RGS7: variants seen among roughly 807,000 people sequenced by gnomAD.
The protein encoded by RGS7 is regulator of G-protein signaling 7.
In RGS7, 27 loss-of-function variants were observed where a neutral mutation model predicts 81.1. The observed-to-expected ratio is 0.33, with a 90% CI of 0.25 to 0.46. The LOEUF (loss-of-function observed/expected upper bound fraction) is 0.46. RGS7 is among the 20% of genes least tolerant of loss of function. The probability of loss-of-function intolerance (pLI) is 1.00; values close to 1 mark genes in which losing one functional copy is unlikely to be tolerated. For missense variants in RGS7, 396 were observed against 607.4 expected (o/e 0.65, Z 3.66); for synonymous variants, 208 against 207.7 (o/e 1.00, Z -0.01).
chr1:241,154,958 A>T (rs1463233609), intron 2 of RGS7, among the ~76,000 whole-genome samples: 7 of 152,354 alleles, frequency 4.6e-5, no homozygotes, highest in Admixed American at 1.3e-4. Context: ...ACGCAGACTG[A>T]AAAAGAAAAT....
chr1:241,087,058 T>C (rs1241717551), intron 3 of RGS7, among the ~76,000 whole-genome samples: 1 of 152,200 alleles, frequency 6.6e-6, no homozygotes, highest in Non-Finnish European at 1.5e-5. Context: ...TTCTCCTCCC[T>C]AGACTGTGAT....
chr1:240,945,821 A>G (rs1314780581), intron 4 of RGS7, among the ~76,000 whole-genome samples: 1 of 152,228 alleles, frequency 6.6e-6, no homozygotes, highest in Non-Finnish European at 1.5e-5. Context: ...AGTTTATAAA[A>G]GCACATGTAT....
At chr1:241,348,230 A>T (rs1244845331) in intron 2 of RGS7, among the ~76,000 whole-genome samples, 1 of 152,234 alleles carries the variant, frequency 6.6e-6, no homozygotes, top group East Asian at 1.9e-4. Flanking sequence ...AGAAAGTTCT[A>T]TTGGACAGCA....
intron 3 of RGS7, among the ~76,000 whole-genome samples, chr1:241,071,874 C>CATAAAAAAAAAAA (rs2062474443): frequency 1.8e-5 from 1 of 56,856 alleles, no homozygotes; most frequent in Non-Finnish European, 2.9e-5. Context: ...GAGACCCTGT[C>CATAAAAAAAAAAA]AAAAAAAAAA....
At chr1:240,845,156 C>A (rs562236689) in intron 9 of RGS7, among the ~76,000 whole-genome samples, 2 of 152,314 alleles carry the variant, frequency 1.3e-5, no homozygotes, top group East Asian at 3.9e-4. Flanking sequence ...ACTATACCTG[C>A]TGGCTCAAAC....
At chr1:241,100,503 A>G (rs1485820328) in intron 2 of RGS7, among the ~76,000 whole-genome samples, 1 of 152,144 alleles carries the variant, frequency 6.6e-6, no homozygotes, top group Admixed American at 6.5e-5. Flanking sequence ...CAGATGTATT[A>G]CTATGACAAA....
chr1:241,095,407 C>T (rs2064177597), intron 3 of RGS7, among the ~76,000 whole-genome samples: 1 of 152,040 alleles, frequency 6.6e-6, no homozygotes, highest in African/African-American at 2.4e-5. Context: ...TTTGGGAGGC[C>T]AAGGCAGGAA....
intron 2 of RGS7, among the ~76,000 whole-genome samples, chr1:241,333,699 A>C (rs1256411778): frequency 1.3e-5 from 2 of 151,958 alleles, no homozygotes; most frequent in African/African-American, 4.8e-5. Context: ...ACAGCGAATT[A>C]AGGGAATTCA....
rs548546504 is a variant in RGS7, at chr1:240,969,103, C to A, written c.226+13976G>T. ...TGGCTACCCTGATGAATAGGCACAT[C>A]CTTAGATGATATCTTCTGCTCTAGG... On this transcript the variant is annotated intron_variant, in intron 4 of 18. Transcript: ENST00000440928. Among the ~76,000 whole-genome samples the A allele has an allele frequency of 2.0e-5, 3 of 152,328 alleles. 1 individual carries two copies. In the South Asian group the frequency reaches 6.2e-4, roughly 32 times the overall value.
chr1:240,930,404 C>A (rs1171210200), intron 6 of RGS7, among the ~76,000 whole-genome samples: 1 of 152,022 alleles, frequency 6.6e-6, no homozygotes, highest in East Asian at 1.9e-4. Flanking sequence ...TTCTATGGGT[C>A]TATTTTTTAT....
At chr1:241,016,660 G>T (rs1227070336) in intron 3 of RGS7, among the ~76,000 whole-genome samples, 1 of 152,060 alleles carries the variant, frequency 6.6e-6, no homozygotes, top group African/African-American at 2.4e-5. Flanking sequence ...GAGAGACCTG[G>T]GACTAGAGTA....
At chr1:241,356,025 C>A (rs904121875) in intron 1 of RGS7, among the ~76,000 whole-genome samples, 199 bp from the exon 2 acceptor site, 1 of 152,180 alleles carries the variant, frequency 6.6e-6, no homozygotes, top group African/African-American at 2.4e-5. Context: ...TTACAATCTT[C>A]CAGGTAGAAA....
chr1:241,106,752 C>CCACCACA (rs1553421291), intron 2 of RGS7, among the ~76,000 whole-genome samples: 4,232 of 121,556 alleles, frequency 0.035, 204 homozygotes, highest in African/African-American at 0.098. Context: ...AACACCACCA[C>CCACCACA]CACACACACA....
At chr1:241,048,101 C>T (rs961991937) in intron 3 of RGS7, among the ~76,000 whole-genome samples, 12 of 151,020 alleles carry the variant, frequency 7.9e-5, no homozygotes, top group Middle Eastern at 3.4e-3. Flanking sequence ...GGCGGGGTCA[C>T]GGGCATTATT....
At chr1:241,285,668 C>T (rs2078767625) in intron 2 of RGS7, among the ~76,000 whole-genome samples, 1 of 152,184 alleles carries the variant, frequency 6.6e-6, no homozygotes, top group African/African-American at 2.4e-5. Flanking sequence ...CCCAAGAAGT[C>T]AGCCTCCAGA....
At chr1:240,938,673 A>G (rs921707883) in intron 4 of RGS7, among the ~76,000 whole-genome samples, 3 of 152,218 alleles carry the variant, frequency 2.0e-5, no homozygotes, top group Non-Finnish European at 2.9e-5. Context: ...AATAAAGAAC[A>G]ACTGCCAATT....
intron 6 of RGS7, among the ~76,000 whole-genome samples, chr1:240,910,506 T>A (rs1671570557): frequency 6.6e-6 from 1 of 152,134 alleles, no homozygotes; most frequent in African/African-American, 2.4e-5. Context: ...AGAGGAGGAA[T>A]AAATTCTAGT....
intron 2 of RGS7, among the ~76,000 whole-genome samples, chr1:241,152,753 T>G (rs2068846301): frequency 6.6e-6 from 1 of 152,196 alleles, no homozygotes; most frequent in African/African-American, 2.4e-5. Flanking sequence ...GGTGTGAGTA[T>G]ACTCTCCTTC....
chr1:241,019,002 T>G (rs1006723938), intron 3 of RGS7, among the ~76,000 whole-genome samples: 1 of 152,218 alleles, frequency 6.6e-6, no homozygotes, highest in South Asian at 2.1e-4. Context: ...CTCTTTCCTT[T>G]CCCCTGCGAA....
Sources: allele counts gnomAD v4.1 joint callset (sites outside exome capture counted in the v4.1 genomes callset), GRCh38; gene constraint gnomAD v4.1.1; transcripts MANE v1.5; gene names NCBI Gene and HGNC (gene_info 2026-07-23, HGNC 2026-07-21).